Variants in PPP2R5E observed in about 807,000 individuals in gnomAD.
PPP2R5E encodes serine/threonine-protein phosphatase 2A 56 kDa regulatory subunit epsilon isoform.
Under a neutral mutation model 65.3 loss-of-function variants are expected in PPP2R5E, and 4 were observed. That is an observed-to-expected ratio of 0.06 (90% CI 0.03 to 0.14). The LOEUF (loss-of-function observed/expected upper bound fraction) is 0.14. PPP2R5E is among the 10% of genes least tolerant of loss of function. The pLI is 1.00. For missense variants in PPP2R5E, 274 were observed against 556.1 expected (o/e 0.49, Z 5.10); for synonymous variants, 183 against 187.4 (o/e 0.98, Z 0.19).
chr14:63,408,578 T>C (rs1001363986), intron 5 of PPP2R5E, among the ~76,000 whole-genome samples: 2 of 152,200 alleles, frequency 1.3e-5, no homozygotes, highest in South Asian at 2.1e-4. Flanking sequence ...TCATTAGTCA[T>C]CTTTTTCAAA....
intron 2 of PPP2R5E, among the ~76,000 whole-genome samples, chr14:63,454,315 T>G (rs1889006700): frequency 6.6e-6 from 1 of 152,262 alleles, no homozygotes; most frequent in Non-Finnish European, 1.5e-5. Flanking sequence ...TTTATTTTAA[T>G]TTCATGCTGA....
intron 5 of PPP2R5E, among the ~76,000 whole-genome samples, chr14:63,413,606 A>T (rs1886524303): frequency 6.6e-6 from 1 of 152,236 alleles, no homozygotes; most frequent in Admixed American, 6.5e-5. Flanking sequence ...ACTGTTGTAC[A>T]AATCAACTAA....
At chr14:63,515,897 T>A (rs1351503703) in intron 2 of PPP2R5E, among the ~76,000 whole-genome samples, 1 of 149,708 alleles carries the variant, frequency 6.7e-6, no homozygotes, top group Non-Finnish European at 1.5e-5. Flanking sequence ...TCGCCCAGGC[T>A]GGAGTGCAGT....
At chr14:63,380,540 T>C (rs1161743151) in intron 13 of PPP2R5E, among the ~76,000 whole-genome samples, 1 of 151,910 alleles carries the variant, frequency 6.6e-6, no homozygotes, top group African/African-American at 2.4e-5. Context: ...CGGGTGCTTG[T>C]AGTCCCAGCT....
intron 12 of PPP2R5E, among the ~76,000 whole-genome samples, chr14:63,382,652 C>T (rs201492018): frequency 6.6e-6 from 1 of 152,124 alleles, no homozygotes; most frequent in Non-Finnish European, 1.5e-5. Context: ...CTGCCTGCCT[C>T]GGCCTCCCAA....
At chr14:63,500,370 T>C (rs1324191534) in intron 2 of PPP2R5E, among the ~76,000 whole-genome samples, 1 of 152,292 alleles carries the variant, frequency 6.6e-6, no homozygotes, top group East Asian at 1.9e-4. Flanking sequence ...TGAAGATGCA[T>C]ACTTACAATG....
chr14:63,531,273 A>C (rs568629329), intron 2 of PPP2R5E, among the ~76,000 whole-genome samples: 28 of 152,116 alleles, frequency 1.8e-4, no homozygotes, highest in African/African-American at 6.5e-4. Flanking sequence ...TCCTAATGCT[A>C]TCCGTCCCCC....
At chr14:63,498,712 C>T (rs930078722) in intron 2 of PPP2R5E, among the ~76,000 whole-genome samples, 3 of 152,122 alleles carry the variant, frequency 2.0e-5, no homozygotes, top group African/African-American at 7.2e-5. Flanking sequence ...GCATGAACCA[C>T]TGATCCAGCC....
chr14:63,421,934 G>A, intron 4 of PPP2R5E, 59 bp downstream of exon 4: 1 of 1,318,836 alleles, frequency 7.6e-7, no homozygotes, highest in Non-Finnish European at 1.1e-6. Context: ...GAATTCCCAT[G>A]CTAATCAGCT....
At chr14:63,475,923 G>C (rs948703816) in intron 2 of PPP2R5E, among the ~76,000 whole-genome samples, 2 of 152,144 alleles carry the variant, frequency 1.3e-5, no homozygotes, top group Non-Finnish European at 2.9e-5. Flanking sequence ...GTTTACAGTG[G>C]AAACTCTGAC....
At chr14:63,516,246 G>T (rs527941818) in intron 2 of PPP2R5E, among the ~76,000 whole-genome samples, 3 of 152,214 alleles carry the variant, frequency 2.0e-5, no homozygotes, top group Non-Finnish European at 4.4e-5. Flanking sequence ...TGTCAATGAC[G>T]ACCCTCATTA....
chr14:63,421,869 T>C, intron 4 of PPP2R5E, 124 bp downstream of exon 4: 1 of 701,936 alleles, frequency 1.4e-6, no homozygotes, highest in Non-Finnish European at 2.4e-6. Context: ...AAACATTCTC[T>C]AACTTTCCAT....
chr14:63,474,583 G>A (rs1890302405), intron 2 of PPP2R5E, among the ~76,000 whole-genome samples: 1 of 149,160 alleles, frequency 6.7e-6, no homozygotes, highest in African/African-American at 2.5e-5. Context: ...TGAGATGGGA[G>A]GATGGCTTGA....
rs1183363835 is a variant in PPP2R5E, at chr14:63,397,457, G to A, written c.550-741C>T. Among the ~76,000 whole-genome samples, 6 of 139,744 alleles carry A rather than the reference G, an allele frequency of 4.3e-5. 1 individual carries two copies. Among genetic ancestry groups the A allele is most frequent in the Non-Finnish European group, 4.5e-5 (3 of 66,424 alleles). The allele number at this position is 139,744 out of a possible 152,430, so 91.7% of individuals were successfully genotyped here. A position where few individuals can be genotyped will look rare whatever the true frequency, so the allele number is the denominator to read the frequency against. On this transcript the variant is annotated intron_variant, in intron 5 of 13. Transcript: ENST00000337537. The stretch of plus-strand genomic sequence containing the variant: ...GCAGAGGTTACAGTGAGCTGCGATC[G>A]CGCCATTGCACTCCAGCCTGGGCCA...
intron 2 of PPP2R5E, among the ~76,000 whole-genome samples, chr14:63,466,894 G>C (rs1256854700): frequency 1.3e-5 from 2 of 152,132 alleles, no homozygotes; most frequent in Non-Finnish European, 2.9e-5. Flanking sequence ...CAGCGAACGT[G>C]TCTGGGAAGC....
At chr14:63,466,249 T>C (rs1252115820) in intron 2 of PPP2R5E, among the ~76,000 whole-genome samples, 1 of 93,084 alleles carries the variant, frequency 1.1e-5, no homozygotes, top group Non-Finnish European at 2.3e-5. Context: ...TCATGAAACT[T>C]AAAAAAAAAA....
chr14:63,530,176 T>G (rs1305814053), intron 2 of PPP2R5E, among the ~76,000 whole-genome samples: 1 of 150,874 alleles, frequency 6.6e-6, no homozygotes, highest in Non-Finnish European at 1.5e-5. Flanking sequence ...CATCCAGATA[T>G]ACACTGTCCC....
At chr14:63,448,717 A>G (rs1888643607) in intron 3 of PPP2R5E, among the ~76,000 whole-genome samples, 1 of 140,150 alleles carries the variant, frequency 7.1e-6, no homozygotes, top group Non-Finnish European at 1.5e-5. Flanking sequence ...TAAACCCCGG[A>G]GGCGGGAGGT....
chr14:63,529,645 G>A (rs1893330935), intron 2 of PPP2R5E, among the ~76,000 whole-genome samples: 1 of 152,060 alleles, frequency 6.6e-6, no homozygotes, highest in African/African-American at 2.4e-5. Flanking sequence ...CCAAAGTGCT[G>A]GGATTACAGG....
Sources: gnomAD v4.1 joint callset for allele counts (sites outside exome capture counted in the v4.1 genomes callset) on GRCh38, gnomAD v4.1.1 for gene constraint, MANE v1.5 for transcripts, NCBI Gene and HGNC (gene_info 2026-07-23, HGNC 2026-07-21) for gene names.